The following AUTS2 variants were observed in gnomAD, a reference collection of about 807,000 sequenced individuals.
The protein encoded by AUTS2 is autism susceptibility gene 2 protein.
Under a neutral mutation model 112.4 loss-of-function variants are expected in AUTS2, and 17 were observed. The observed-to-expected ratio is 0.15, with a 90% CI of 0.10 to 0.23. The LOEUF (loss-of-function observed/expected upper bound fraction) is 0.23, where lower values mean the gene tolerates loss of function less well. AUTS2 is among the 10% of genes least tolerant of loss of function. AUTS2 has a pLI of 1.00. For missense variants in AUTS2, 1,510 were observed against 1,701.6 expected (o/e 0.89, Z 1.98); for synonymous variants, 751 against 702.7 (o/e 1.07, Z -1.09).
At chr7:70,509,815 T>A (rs533907968) in intron 5 of AUTS2, among the ~76,000 whole-genome samples, 2 of 152,312 alleles carry the variant, frequency 1.3e-5, no homozygotes, top group African/African-American at 4.8e-5. Context: ...TGCTGATAGC[T>A]TCCCGAATTG....
intron 1 of AUTS2, among the ~76,000 whole-genome samples, chr7:69,857,766 G>T (rs1231765479): frequency 6.6e-6 from 1 of 151,952 alleles, no homozygotes; most frequent in African/African-American, 2.4e-5. Flanking sequence ...GCAGTGAGCT[G>T]GGTTTGTGCC....
Position 69,799,506 on chromosome 7 carries a change from A to G in AUTS2, c.310-99780A>G, listed in dbSNP as rs572597536. Among the ~76,000 whole-genome samples the G allele has an allele frequency of 2.0e-5, 3 of 152,244 alleles. No homozygotes were observed. In the South Asian group the frequency reaches 6.2e-4, roughly 32 times the overall value. ...AACCGGTATTTTAGACAGGCAGGGA[A>G]GTGTCATTCATGGGTTCATGAGCAT... On this transcript the variant is annotated intron_variant, in intron 1 of 18. Coordinates refer to ENST00000342771, the MANE Select transcript of AUTS2 (RefSeq NM_015570.4).
intron 4 of AUTS2, among the ~76,000 whole-genome samples, chr7:70,382,197 T>C (rs566506088): frequency 6.6e-6 from 1 of 152,194 alleles, no homozygotes. Flanking sequence ...TCATTGGCTG[T>C]CCTTGTTGAA....
intron 2 of AUTS2, among the ~76,000 whole-genome samples, chr7:70,007,364 A>T (rs1232132201): frequency 6.6e-6 from 1 of 152,170 alleles, no homozygotes; most frequent in Non-Finnish European, 1.5e-5. Context: ...GTCATCCATA[A>T]TTCCTTAATA....
intron 4 of AUTS2, among the ~76,000 whole-genome samples, chr7:70,408,701 A>G (rs2130388656): frequency 6.6e-6 from 1 of 152,316 alleles, no homozygotes; most frequent in Middle Eastern, 3.4e-3. Context: ...GAGTGAAAAT[A>G]TTCAGGTACT....
chr7:70,750,583 G>A (rs1788754088), intron 6 of AUTS2, among the ~76,000 whole-genome samples: 1 of 150,636 alleles, frequency 6.6e-6, no homozygotes, highest in African/African-American at 2.5e-5. Flanking sequence ...GTATTTTTTT[G>A]TAGAGACAGG....
At chr7:69,997,148 T>G (rs1798983758) in intron 2 of AUTS2, among the ~76,000 whole-genome samples, 1 of 152,184 alleles carries the variant, frequency 6.6e-6, no homozygotes. Flanking sequence ...GCTTAATTTA[T>G]TTAATCTTTG....
At chr7:70,479,672 G>A (rs1797714364) in intron 5 of AUTS2, among the ~76,000 whole-genome samples, 1 of 152,072 alleles carries the variant, frequency 6.6e-6, no homozygotes, top group South Asian at 2.1e-4. Flanking sequence ...TAGAGATTTG[G>A]TCGAGGACAT....
intron 5 of AUTS2, among the ~76,000 whole-genome samples, chr7:70,534,921 TA>T (rs926949413): frequency 2.6e-5 from 4 of 152,060 alleles, no homozygotes; most frequent in Admixed American, 1.3e-4. Context: ...AAAAAATGTA[TA>T]TTTTTTTGTA....
chr7:70,777,252 A>T, intron 14 of AUTS2, 78 bp downstream of exon 14: 1 of 1,329,698 alleles, frequency 7.5e-7, no homozygotes, highest in Non-Finnish European at 1.1e-6. Flanking sequence ...AACCTGATGA[A>T]GGAGGCATTT....
intron 2 of AUTS2, among the ~76,000 whole-genome samples, chr7:69,956,348 C>G (rs939756453): frequency 6.6e-6 from 1 of 152,146 alleles, no homozygotes; most frequent in Non-Finnish European, 1.5e-5. Flanking sequence ...CTTACATGTA[C>G]TCATATAAAA....
At chr7:70,698,748 G>A in intron 6 of AUTS2, 128 bp downstream of exon 6, 1 of 748,524 alleles carries the variant, frequency 1.3e-6, no homozygotes, top group Non-Finnish European at 2.1e-6. Context: ...GATGTTTCAT[G>A]TTTTTGCTTG....
intron 1 of AUTS2, among the ~76,000 whole-genome samples, chr7:69,874,682 G>A (rs537142059): frequency 5.9e-5 from 9 of 152,022 alleles, no homozygotes; most frequent in African/African-American, 1.4e-4. Context: ...TTGTGGAGAC[G>A]GAGTTTATCT....
rs575726799 is a variant in AUTS2, at chr7:69,910,730, C to T, written c.522+11232C>T. Among the ~76,000 whole-genome samples the T allele has an allele frequency of 5.1e-3, 781 of 152,272 alleles. 3 individuals carry two copies. The highest frequency in any genetic ancestry group is 0.018 in the African/African-American group (751 of 41,544). ...TGCAACCTCTGCCTCCTGGTTTAAG[C>T]GATCCTCCTGCCTCAGCCTACCAAG... is the stretch of plus-strand genomic sequence containing the variant. On this transcript the variant is annotated intron_variant, in intron 2 of 18. Coordinates refer to ENST00000342771, the MANE Select transcript of AUTS2 (RefSeq NM_015570.4).
chr7:69,860,714 A>T (rs1463115692), intron 1 of AUTS2, among the ~76,000 whole-genome samples: 2 of 152,140 alleles, frequency 1.3e-5, no homozygotes, highest in Non-Finnish European at 2.9e-5. Flanking sequence ...GTTTCTTTAA[A>T]GTAAGCTCTC....
At chr7:70,173,753 CTG>C (rs1462209623) in intron 4 of AUTS2, among the ~76,000 whole-genome samples, 2 of 152,076 alleles carry the variant, frequency 1.3e-5, no homozygotes, top group Non-Finnish European at 2.9e-5. Flanking sequence ...ATAATTATAA[CTG>C]TTGTGGTGAT....
rs1554454989 is a variant in AUTS2 at position 70,665,443 on chromosome 7, C to CTACTTATCTATT, written c.691-33124_691-33123insCTTATCTATTTA. Among the ~76,000 whole-genome samples the CTACTTATCTATT allele has an allele frequency of 2.9e-3, 306 of 104,716 alleles. 2 individuals are homozygous for CTACTTATCTATT. Among genetic ancestry groups the CTACTTATCTATT allele is most frequent in the African/African-American group, 0.013 (299 of 23,770 alleles). 68.7% of individuals were successfully genotyped at this position (104,716 alleles called of 152,430 possible). On this transcript the variant is annotated intron_variant, in intron 5 of 18. Coordinates refer to ENST00000342771, the MANE Select transcript of AUTS2 (RefSeq NM_015570.4). The stretch of plus-strand genomic sequence containing the variant: ...CATGACCAGCTGTTTATTTATTTAT[C>CTACTTATCTATT]TATTTATCTATTTATTTATTTATTT...
intron 4 of AUTS2, among the ~76,000 whole-genome samples, chr7:70,435,171 T>C (rs1392398625): frequency 2.0e-5 from 3 of 152,214 alleles, no homozygotes; most frequent in Non-Finnish European, 4.4e-5. Flanking sequence ...CCTTCTATTC[T>C]CTGGGCCTCT....
intron 1 of AUTS2, among the ~76,000 whole-genome samples, chr7:69,734,178 A>C (rs559914055): frequency 6.6e-6 from 1 of 152,264 alleles, no homozygotes; most frequent in East Asian, 1.9e-4. Flanking sequence ...TTAATCTCCA[A>C]ATGTAGGTTA....
Sources: gnomAD v4.1 joint callset for allele counts (sites outside exome capture counted in the v4.1 genomes callset) on GRCh38, gnomAD v4.1.1 for gene constraint, MANE v1.5 for transcripts, NCBI Gene and HGNC (gene_info 2026-07-23, HGNC 2026-07-21) for gene names.